The following ARK2C variants were observed in gnomAD, a reference collection of about 807,000 sequenced individuals.
The protein encoded by ARK2C is E3 ubiquitin-protein ligase ARK2C.
the ARK2C span, among the ~76,000 whole-genome samples, chr18:46,395,410 A>C: frequency 0.14 from 21,234 of 151,830 alleles, 1,576 homozygotes; most frequent in East Asian, 0.28. Flanking sequence ...CATTCCTGGC[A>C]CCTCCCCACT....
At chr18:46,356,239 G>A in the ARK2C span, among the ~76,000 whole-genome samples, 1 of 152,242 alleles carries the variant, frequency 6.6e-6, no homozygotes, top group Non-Finnish European at 1.5e-5. Context: ...TTCCAGGTGT[G>A]TTCTAGGTGC....
At chr18:46,408,183 G>A in the ARK2C span, among the ~76,000 whole-genome samples, 1 of 152,190 alleles carries the variant, frequency 6.6e-6, no homozygotes, top group Admixed American at 6.5e-5. Context: ...GAGGAAGCAA[G>A]GAATTGTGGG....
chr18:46,355,564 T>C, the ARK2C span, among the ~76,000 whole-genome samples: 714 of 152,290 alleles, frequency 4.7e-3, 7 homozygotes, highest in African/African-American at 0.017. Flanking sequence ...CGGTCCCAGC[T>C]CCCATCTGTG....
chr18:46,450,638 A>C, the ARK2C span: 1 of 1,278,208 alleles, frequency 7.8e-7, no homozygotes, highest in South Asian at 1.2e-5. Flanking sequence ...CTCCCAATCC[A>C]TATCCTGTGT....
chr18:46,435,515 A>C, the ARK2C span: 1 of 791,112 alleles, frequency 1.3e-6, no homozygotes, highest in Non-Finnish European at 2.1e-6. Context: ...CCTAGTTCTC[A>C]GGCCCCAGCG....
chr18:46,375,056 C>T, the ARK2C span, among the ~76,000 whole-genome samples: 3 of 152,148 alleles, frequency 2.0e-5, no homozygotes, highest in Non-Finnish European at 2.9e-5. Flanking sequence ...CATGCTTTGC[C>T]GGAGGATTTG....
At chr18:46,419,039 C>T in the ARK2C span, among the ~76,000 whole-genome samples, 1 of 152,188 alleles carries the variant, frequency 6.6e-6, no homozygotes, top group East Asian at 1.9e-4. Flanking sequence ...ATTTTTGGCT[C>T]TAGTGGGAAC....
At chr18:46,380,672 C>T in the ARK2C span, among the ~76,000 whole-genome samples, 3 of 152,180 alleles carry the variant, frequency 2.0e-5, no homozygotes, top group Non-Finnish European at 2.9e-5. Flanking sequence ...GCAGGGACTT[C>T]TGAGGTCTCC....
At chr18:46,412,469 C>T in the ARK2C span, among the ~76,000 whole-genome samples, 1 of 152,250 alleles carries the variant, frequency 6.6e-6, no homozygotes, top group Non-Finnish European at 1.5e-5. Context: ...CAGAAAGCAG[C>T]CACCCTCCTG....
the ARK2C span, among the ~76,000 whole-genome samples, chr18:46,410,472 G>C: frequency 3.3e-5 from 5 of 152,168 alleles, no homozygotes; most frequent in Non-Finnish European, 7.4e-5. Flanking sequence ...TGAGACTGAG[G>C]GGCAAACTCA....
At chr18:46,339,986 G>T in the ARK2C span, among the ~76,000 whole-genome samples, 2 of 152,178 alleles carry the variant, frequency 1.3e-5, no homozygotes, top group Admixed American at 6.5e-5. Context: ...GGATCCAAGG[G>T]CAGCAGGGAC....
chr18:46,447,579 G>T, the ARK2C span: 2 of 1,614,070 alleles, frequency 1.2e-6, no homozygotes, highest in Non-Finnish European at 1.7e-6. Flanking sequence ...CAGTGTGGAT[G>T]CTGGCTTGAG....
chr18:46,437,165 G>GGCCCTGCCCTAGCAGGGGATGCTAGGAT, the ARK2C span, among the ~76,000 whole-genome samples: 1 of 152,148 alleles, frequency 6.6e-6, no homozygotes, highest in Non-Finnish European at 1.5e-5. Flanking sequence ...GATGCTAGGA[G>GGCCCTGCCCTAGCAGGGGATGCTAGGAT]GCCCTGCCTA....
chr18:46,437,486 C>G, the ARK2C span, among the ~76,000 whole-genome samples: 1 of 152,104 alleles, frequency 6.6e-6, no homozygotes, highest in African/African-American at 2.4e-5. Context: ...TTTAGAGAAC[C>G]ATCAGAGACC....
chr18:46,348,909 TG>T, the ARK2C span, among the ~76,000 whole-genome samples: 1 of 17,388 alleles, frequency 5.8e-5, no homozygotes, highest in African/African-American at 1.5e-4. Context: ...TCTGTGTGTG[TG>T]TGTGTGTGTG....
At chr18:46,418,466 A>C in the ARK2C span, among the ~76,000 whole-genome samples, 1 of 152,246 alleles carries the variant, frequency 6.6e-6, no homozygotes, top group Non-Finnish European at 1.5e-5. Context: ...CTAATTTTTT[A>C]CATTATTTTG....
chr18:46,367,511 G>C, the ARK2C span, among the ~76,000 whole-genome samples: 3 of 152,230 alleles, frequency 2.0e-5, no homozygotes, highest in South Asian at 6.2e-4. Context: ...CTTTGAGGCA[G>C]GGTAGAATTG....
the ARK2C span, among the ~76,000 whole-genome samples, chr18:46,367,037 A>C: frequency 6.6e-6 from 1 of 152,212 alleles, no homozygotes; most frequent in Non-Finnish European, 1.5e-5. Context: ...AAAATCACCA[A>C]GCAAAATAAC....
chr18:46,397,201 G>A, the ARK2C span, among the ~76,000 whole-genome samples: 17,460 of 152,230 alleles, frequency 0.11, 1,197 homozygotes, highest in East Asian at 0.27. Context: ...TAGATGTCAT[G>A]CCTCTCTCTC....
Sources: allele counts gnomAD v4.1 joint callset (sites outside exome capture counted in the v4.1 genomes callset), GRCh38; gene constraint gnomAD v4.1.1; transcripts MANE v1.5; gene names NCBI Gene and HGNC (gene_info 2026-07-23, HGNC 2026-07-21).